Variants in CNTN5 observed in about 807,000 individuals in gnomAD.
CNTN5 encodes the protein contactin-5.
Under a neutral mutation model 129.1 loss-of-function variants are expected in CNTN5, and 77 were observed. The ratio of observed to expected loss-of-function variants is 0.60; its 90% CI spans 0.50 to 0.72. CNTN5 has a LOEUF of 0.72. CNTN5 is among the 30% of genes least tolerant of loss of function. The pLI is 0.00. For synonymous variants in CNTN5, 509 were observed against 465.6 expected, an observed-to-expected ratio of 1.09 and a Z score of -1.20; for missense variants, 1,478 against 1,328.8, an observed-to-expected ratio of 1.11 and a Z score of -1.75.
chr11:100,177,093 A>G (rs1484428029), intron 13 of CNTN5, among the ~76,000 whole-genome samples: 1 of 152,102 alleles, frequency 6.6e-6, no homozygotes, highest in East Asian at 1.9e-4. Context: ...TTTAGAAATT[A>G]AATCCTGAGA....
chr11:99,386,779 T>C (rs1940950963), intron 2 of CNTN5, among the ~76,000 whole-genome samples: 1 of 152,082 alleles, frequency 6.6e-6, no homozygotes, highest in African/African-American at 2.4e-5. Flanking sequence ...GGAAAAATAA[T>C]TGAACAAAAA....
intron 1 of CNTN5, among the ~76,000 whole-genome samples, chr11:99,075,243 A>G (rs532819008): frequency 1.3e-5 from 2 of 152,148 alleles, no homozygotes; most frequent in African/African-American, 2.4e-5. Flanking sequence ...ATAAATGTTC[A>G]TGTCAATATG....
chr11:99,491,278 T>C (rs946421516), intron 2 of CNTN5, among the ~76,000 whole-genome samples: 1 of 152,124 alleles, frequency 6.6e-6, no homozygotes, highest in African/African-American at 2.4e-5. Flanking sequence ...ATTCCCTGGG[T>C]TCCAGTCTTT....
chr11:99,791,888 T>C (rs1945755906), intron 3 of CNTN5, among the ~76,000 whole-genome samples: 1 of 152,188 alleles, frequency 6.6e-6, no homozygotes, highest in Admixed American at 6.5e-5. Flanking sequence ...ATTTTTGCTC[T>C]TGTTTTGGCT....
intron 2 of CNTN5, among the ~76,000 whole-genome samples, chr11:99,454,512 G>A (rs1253906466): frequency 1.3e-5 from 2 of 152,090 alleles, no homozygotes; most frequent in African/African-American, 4.8e-5. Context: ...AAGGTGCCTT[G>A]CTTCCCCTTG....
intron 6 of CNTN5, among the ~76,000 whole-genome samples, chr11:99,891,805 C>T (rs1423747342): frequency 6.6e-6 from 1 of 152,080 alleles, no homozygotes; most frequent in Non-Finnish European, 1.5e-5. Flanking sequence ...GTGCATATGT[C>T]TTTTTAGTAC....
chr11:99,691,209 A>G (rs1305776614), intron 3 of CNTN5, among the ~76,000 whole-genome samples: 1 of 149,288 alleles, frequency 6.7e-6, no homozygotes, highest in Non-Finnish European at 1.5e-5. Flanking sequence ...CAGCACCTGG[A>G]TTTGTTGGTT....
At chr11:99,632,327 C>A (rs1375664556) in intron 3 of CNTN5, among the ~76,000 whole-genome samples, 1 of 151,996 alleles carries the variant, frequency 6.6e-6, no homozygotes, top group Non-Finnish European at 1.5e-5. Flanking sequence ...ATCTTTATAG[C>A]TTTTCTCAAC....
chr11:100,232,151 CA>C (rs911421490), intron 16 of CNTN5, among the ~76,000 whole-genome samples: 1 of 150,060 alleles, frequency 6.7e-6, no homozygotes, highest in Non-Finnish European at 1.5e-5. Flanking sequence ...GAGACTGTCT[CA>C]AAAAAAACAA....
At chr11:99,281,760 C>T (rs1273052111) in intron 1 of CNTN5, among the ~76,000 whole-genome samples, 1 of 151,772 alleles carries the variant, frequency 6.6e-6, no homozygotes, top group African/African-American at 2.4e-5. Flanking sequence ...GTTTTGTTGA[C>T]TAATATTTTT....
intron 7 of CNTN5, among the ~76,000 whole-genome samples, chr11:99,926,700 T>G (rs1950070872): frequency 1.3e-5 from 2 of 152,132 alleles, no homozygotes; most frequent in African/African-American, 4.8e-5. Flanking sequence ...CAAAAATATT[T>G]AAGGATTTCC....
chr11:99,974,589 G>T (rs972177215), intron 8 of CNTN5, among the ~76,000 whole-genome samples: 1 of 152,124 alleles, frequency 6.6e-6, no homozygotes, highest in East Asian at 1.9e-4. Context: ...AAGAAGGAAA[G>T]AATCCATCAA....
At chr11:99,800,373 T>G (rs1371762606) in intron 3 of CNTN5, among the ~76,000 whole-genome samples, 1 of 152,160 alleles carries the variant, frequency 6.6e-6, no homozygotes, top group Non-Finnish European at 1.5e-5. Context: ...CAGCATGTAG[T>G]TGATGTTGAA....
intron 3 of CNTN5, among the ~76,000 whole-genome samples, chr11:99,645,243 G>A (rs1951911110): frequency 9.6e-6 from 1 of 104,130 alleles, no homozygotes; most frequent in African/African-American, 3.8e-5. Flanking sequence ...CTGGGCAACA[G>A]AGCGAGGCTC....
intron 1 of CNTN5, among the ~76,000 whole-genome samples, chr11:99,269,671 A>T (rs925150024): frequency 6.6e-6 from 1 of 151,054 alleles, no homozygotes; most frequent in African/African-American, 2.5e-5. Context: ...ACATTTTTTC[A>T]ATCTAGGAGT....
chr11:100,191,269 T>C lies in CNTN5; in HGVS notation c.1708+16T>C, dbSNP rs933311036. The stretch of plus-strand genomic sequence containing the variant: ...TCTGTAAAAGGTAAGACAGCACGGG[T>C]AAATGTTTTACAAGCATAGTCTCAT... On this transcript the variant is annotated intron_variant, in intron 14 of 24. Coordinates refer to ENST00000524871, the MANE Select transcript of CNTN5 (RefSeq NM_014361.4). 1 of 1,603,830 alleles carries C rather than the reference T, an allele frequency of 6.2e-7. No homozygotes were observed. The highest frequency in any genetic ancestry group is 1.7e-5 in the Admixed American group (1 of 58,642).
chr11:99,558,638 G>C (rs1271856919), intron 3 of CNTN5, among the ~76,000 whole-genome samples: 2 of 151,950 alleles, frequency 1.3e-5, no homozygotes, highest in Non-Finnish European at 2.9e-5. Context: ...AAAATACTCA[G>C]CCTGATATGG....
chr11:99,853,726 A>G (rs1947948007), intron 6 of CNTN5, among the ~76,000 whole-genome samples: 1 of 152,156 alleles, frequency 6.6e-6, no homozygotes, highest in Non-Finnish European at 1.5e-5. Context: ...TTTATTGAAC[A>G]TTTAAATTGT....
intron 15 of CNTN5, among the ~76,000 whole-genome samples, chr11:100,202,845 C>T (rs1191872043): frequency 1.3e-5 from 2 of 151,892 alleles, no homozygotes; most frequent in Non-Finnish European, 2.9e-5. Context: ...AACACAGGCC[C>T]ATTTACGCAA....
Sources: allele counts gnomAD v4.1 joint callset (sites outside exome capture counted in the v4.1 genomes callset), GRCh38; gene constraint gnomAD v4.1.1; transcripts MANE v1.5; gene names NCBI Gene and HGNC (gene_info 2026-07-23, HGNC 2026-07-21).